Variants in VPS4B observed in about 807,000 individuals in gnomAD.
VPS4B encodes vacuolar protein sorting 4 homolog B.
A neutral mutation model predicts 56.1 loss-of-function variants in VPS4B; 23 were observed. The ratio of observed to expected loss-of-function variants is 0.41; its 90% CI spans 0.30 to 0.58. The LOEUF (loss-of-function observed/expected upper bound fraction) is 0.58. Among genes scored for constraint, VPS4B ranks in the 20% least tolerant of loss-of-function variants. The pLI, the probability that VPS4B is intolerant of heterozygous loss-of-function variation, is 0.29. For missense variants in VPS4B, 372 were observed against 531.9 expected (o/e 0.70, Z 2.96); for synonymous variants, 177 against 186.0 (o/e 0.95, Z 0.39).
chr18:63,407,330 C>T, intron 4 of VPS4B, 102 bp downstream of exon 4: 1 of 1,062,782 alleles, frequency 9.4e-7, no homozygotes. Context: ...AGTTCTTAAA[C>T]TTCATTTAAA....
intron 1 of VPS4B, among the ~76,000 whole-genome samples, chr18:63,412,978 T>G (rs1373749989): frequency 6.6e-6 from 1 of 152,004 alleles, no homozygotes; most frequent in Non-Finnish European, 1.5e-5. Context: ...GTTAAAAGGA[T>G]GAAAGGACAA....
chr18:63,404,957 T>C (rs1915885044), intron 4 of VPS4B, among the ~76,000 whole-genome samples: 1 of 152,190 alleles, frequency 6.6e-6, no homozygotes, highest in Admixed American at 6.5e-5. Flanking sequence ...TCATTTCGTC[T>C]TTTTTATGTT....
rs60460382 is a variant in VPS4B, at chr18:63,391,225, C to A, written c.1234-149G>T. 6 of 525,478 alleles carry A rather than the reference C, an allele frequency of 1.1e-5. No individual in the cohort carries two copies. The East Asian group carries it at 2.5e-4, about 22-fold the overall frequency. The allele number at this position is 525,478 out of a possible 1,614,324, so 32.6% of individuals were successfully genotyped here. On this transcript the variant is annotated intron_variant, in intron 10 of 10. Transcript: ENST00000238497. Reference sequence around the variant, plus strand: ...CCATAAGATACTAACGATAAACTCCCTATTCTTTTTTTTTTTTTTTGAGTT... The same window carrying A: ...CCATAAGATACTAACGATAAACTCCATATTCTTTTTTTTTTTTTTTGAGTT...
chr18:63,398,225 T>TATATATATATATA (rs1568084680), intron 8 of VPS4B, among the ~76,000 whole-genome samples: 5 of 54,980 alleles, frequency 9.1e-5, no homozygotes, highest in African/African-American at 2.4e-4. Context: ...ATATATATAT[T>TATATATATATATA]TTTTTTTGAG....
At chr18:63,413,774 T>C (rs1175399421) in intron 1 of VPS4B, among the ~76,000 whole-genome samples, 1 of 152,202 alleles carries the variant, frequency 6.6e-6, no homozygotes, top group Non-Finnish European at 1.5e-5. Flanking sequence ...TATTACATTT[T>C]GGGGCAGTTG....
At chr18:63,392,290 T>C (rs973530341) in intron 10 of VPS4B, among the ~76,000 whole-genome samples, 1 of 152,240 alleles carries the variant, frequency 6.6e-6, no homozygotes, top group East Asian at 1.9e-4. Context: ...GTAAGTCTTG[T>C]AGATTATTTT....
At chr18:63,400,816 A>G (rs1915792717) in intron 5 of VPS4B, 113 bp from the exon 6 acceptor site, 2 of 1,044,454 alleles carry the variant, frequency 1.9e-6, no homozygotes, top group Non-Finnish European at 2.7e-6. Context: ...GATCAAAACA[A>G]TATTTTAAAA....
At chr18:63,409,657 C>T (rs1469784596) in intron 3 of VPS4B, among the ~76,000 whole-genome samples, 1 of 151,832 alleles carries the variant, frequency 6.6e-6, no homozygotes. Flanking sequence ...ATACATCCCC[C>T]ATCTAGGAAG....
chr18:63,400,465 A>T, intron 6 of VPS4B, 82 bp downstream of exon 6: 1 of 1,390,598 alleles, frequency 7.2e-7, no homozygotes, highest in South Asian at 1.4e-5. Context: ...GAATATCTAT[A>T]AGTGATGTAA....
intron 4 of VPS4B, among the ~76,000 whole-genome samples, chr18:63,406,012 T>C (rs1036815938): frequency 1.1e-4 from 16 of 151,410 alleles, no homozygotes; most frequent in African/African-American, 3.9e-4. Flanking sequence ...AAAAAAAAAA[T>C]GTATCTTTTC....
chr18:63,399,000 G>A (rs369560978), intron 8 of VPS4B, among the ~76,000 whole-genome samples: 2 of 152,112 alleles, frequency 1.3e-5, no homozygotes, highest in South Asian at 4.1e-4. Context: ...TAAGCATTAG[G>A]TAATATATTT....
chr18:63,414,809 T>C (rs140865896), intron 1 of VPS4B, among the ~76,000 whole-genome samples: 3 of 152,388 alleles, frequency 2.0e-5, no homozygotes, highest in African/African-American at 7.2e-5. Context: ...CACTCACCTC[T>C]TCAGCCACTT....
chr18:63,393,365 T>C (rs754599351), intron 10 of VPS4B, 44 bp downstream of exon 10: 6 of 1,527,200 alleles, frequency 3.9e-6, no homozygotes, highest in Non-Finnish European at 4.4e-6. Context: ...TTATGAAGTA[T>C]AATGTTTTAA....
intron 1 of VPS4B, among the ~76,000 whole-genome samples, chr18:63,412,456 A>AT (rs528331688): frequency 3.1e-4 from 47 of 152,244 alleles, no homozygotes; most frequent in Admixed American, 5.9e-4. Context: ...CTTTTGTGGC[A>AT]TTTTTTTAAA....
chr18:63,392,839 C>T (rs1453477146), intron 10 of VPS4B, among the ~76,000 whole-genome samples: 1 of 152,068 alleles, frequency 6.6e-6, no homozygotes, highest in Non-Finnish European at 1.5e-5. Context: ...CAACCTCTGC[C>T]TCCCTGGTTC....
intron 1 of VPS4B, among the ~76,000 whole-genome samples, chr18:63,417,419 T>C (rs1275669740): frequency 6.6e-6 from 1 of 152,124 alleles, no homozygotes; most frequent in Admixed American, 6.5e-5. Context: ...AGTTGATTAT[T>C]TCCTCCTTCT....
chr18:63,403,770 C>G lies in VPS4B; in HGVS notation c.421G>C (p.Gly141Arg). The change falls in exon 5 of 11, where the codon GGA becomes CGA. Residue 141 changes from glycine to arginine, a missense_variant. Coordinates refer to ENST00000238497, the MANE Select transcript of VPS4B (RefSeq NM_004869.4). ...GCCTCTTTCAGTGCTTCTTTGGCTC[C>G]TTCAAGTCCAGCAACGTCACTCCAT... Reference protein sequence around the residue: ...VKWSDVAGLEGAKEALKEAVI... With the variant: ...VKWSDVAGLERAKEALKEAVI... The G allele has an allele frequency of 6.2e-7, 1 of 1,613,426 alleles. No homozygotes were observed. Among genetic ancestry groups the G allele is most frequent in the Non-Finnish European group, 8.5e-7 (1 of 1,179,616 alleles).
Position 63,396,018 on chromosome 18 carries a change from G to GT in VPS4B, c.1092+1015dup, listed in dbSNP as rs1256607129. On this transcript the variant is annotated intron_variant, in intron 9 of 10. Coordinates refer to ENST00000238497, the MANE Select transcript of VPS4B (RefSeq NM_004869.4). ...ATTTTTGTGAAGACCAAATGAAATA[G>GT]TAAGATAAAAGACAGAACACAGTGC... 2.6e-5 allele frequency among the ~76,000 whole-genome samples: 4 copies of GT among 152,226 alleles called. No individual in the cohort carries two copies. The South Asian group carries it at 6.2e-4, about 24-fold the overall frequency.
intron 1 of VPS4B, among the ~76,000 whole-genome samples, chr18:63,419,308 A>G (rs1916239342): frequency 6.6e-6 from 1 of 152,052 alleles, no homozygotes; most frequent in Admixed American, 6.6e-5. Flanking sequence ...CAGCTGCTAC[A>G]TGGGGGGCTG....
Sources: gnomAD v4.1 joint callset for allele counts (sites outside exome capture counted in the v4.1 genomes callset) on GRCh38, gnomAD v4.1.1 for gene constraint, MANE v1.5 for transcripts, NCBI Gene and HGNC (gene_info 2026-07-23, HGNC 2026-07-21) for gene names.